Variants in FAS observed in about 807,000 individuals in gnomAD.
The protein encoded by FAS is Fas cell surface death receptor, also known as tumor necrosis factor receptor superfamily member 6.
FAS carries 5 observed loss-of-function variants against 33.2 expected under a neutral mutation model. The ratio of observed to expected loss-of-function variants is 0.15; its 90% CI spans 0.08 to 0.32. The LOEUF (loss-of-function observed/expected upper bound fraction) is 0.32, where lower values mean the gene tolerates loss of function less well. Ranked by LOEUF, FAS falls within the 10% of genes least tolerant of loss-of-function variation. The pLI is 1.00. For missense variants in FAS, 339 were observed against 386.0 expected (o/e 0.88, Z 1.02); for synonymous variants, 131 against 130.7 (o/e 1.00, Z -0.01).
At chr10:88,994,379 T>C (rs1847455377) in intron 1 of FAS, among the ~76,000 whole-genome samples, 1 of 152,210 alleles carries the variant, frequency 6.6e-6, no homozygotes, top group Non-Finnish European at 1.5e-5. Flanking sequence ...TGAGCACATG[T>C]TTTGTAATAG....
intron 2 of FAS, among the ~76,000 whole-genome samples, chr10:88,976,899 T>G (rs1159686617): frequency 6.6e-6 from 1 of 152,226 alleles, no homozygotes; most frequent in Non-Finnish European, 1.5e-5. Context: ...ATGCTGATGT[T>G]TGTAGAGAAG....
rs776167705 is a variant in FAS at position 88,973,296 on chromosome 10, C to G, written n.209C>G. On this transcript the variant is annotated non_coding_transcript_exon_variant, in exon 2 of 4. Coordinates refer to the FAS transcript ENST00000688239. Reference sequence around the variant, plus strand: ...CTTGGGGATCTCTAGGTCATCATCACCATCTGAACAGCTCTGAGAGAGACA... The same window carrying G: ...CTTGGGGATCTCTAGGTCATCATCAGCATCTGAACAGCTCTGAGAGAGACA... 7 of 1,611,264 alleles carry G rather than the reference C, an allele frequency of 4.3e-6. No homozygotes were observed. The Admixed American group carries it at 1.2e-4, about 27-fold the overall frequency.
chr10:89,007,045 G>C (rs1848267304), intron 2 of FAS, among the ~76,000 whole-genome samples: 1 of 152,248 alleles, frequency 6.6e-6, no homozygotes, highest in South Asian at 2.1e-4. Context: ...AGAAAGGGGA[G>C]AACAAAGAGA....
upstream of FAS, among the ~76,000 whole-genome samples, chr10:88,986,319 C>G (rs964226052): frequency 6.6e-6 from 1 of 152,126 alleles, no homozygotes; most frequent in Admixed American, 6.5e-5. Flanking sequence ...TTTCAGGGGA[C>G]CACCATATGC....
Position 89,014,920 on chromosome 10 carries a change from A to G in FAS, c.*470A>G, listed in dbSNP as rs1296349047. ...CTCTGATAATTCTAGAGATTTTACC[A>G]TATTTCTAAACTTTGTTTATAACTC... is the stretch of plus-strand genomic sequence containing the variant. On this transcript the variant is annotated 3_prime_UTR_variant, in exon 9 of 9. Coordinates refer to ENST00000652046, the MANE Select transcript of FAS (RefSeq NM_000043.6). The G allele has an allele frequency of 7.5e-6, 4 of 535,000 alleles. No individual in the cohort carries two copies. Among genetic ancestry groups the G allele is most frequent in the Admixed American group, 2.2e-5 (1 of 45,046 alleles). 33.1% of individuals were successfully genotyped at this position (535,000 alleles called of 1,614,324 possible). A position where few individuals can be genotyped will look rare whatever the true frequency, so the allele number is the denominator to read the frequency against.
At chr10:88,984,979 G>A (rs113872941), upstream of FAS, among the ~76,000 whole-genome samples, 35 of 152,322 alleles carry the variant, frequency 2.3e-4, no homozygotes, top group African/African-American at 7.9e-4. Context: ...AGCAGTATAG[G>A]TAAATAAAAT....
intron 7 of FAS, among the ~76,000 whole-genome samples, chr10:89,013,059 T>A (rs777021749): frequency 3.9e-5 from 6 of 152,270 alleles, no homozygotes; most frequent in Admixed American, 6.5e-5. Context: ...TTAATAAGTC[T>A]ATATGAAAAA....
At chr10:88,981,798 G>C (rs1846720124), upstream of FAS, among the ~76,000 whole-genome samples, 1 of 152,174 alleles carries the variant, frequency 6.6e-6, no homozygotes, top group African/African-American at 2.4e-5. Context: ...AAAGGTTTCA[G>C]ATGGGCTTTC....
chr10:88,982,390 T>G (rs1846731525), upstream of FAS, among the ~76,000 whole-genome samples: 1 of 152,218 alleles, frequency 6.6e-6, no homozygotes, highest in Admixed American at 6.5e-5. Context: ...AATGGATTAT[T>G]TGGTAAGAGA....
At chr10:89,013,523 C>T (rs920570979) in intron 8 of FAS, among the ~76,000 whole-genome samples, 156 bp downstream of exon 8, 2 of 152,096 alleles carry the variant, frequency 1.3e-5, no homozygotes, top group Non-Finnish European at 2.9e-5. Flanking sequence ...ATTTATCAGG[C>T]AGTTTGTTTA....
At chr10:88,975,078 G>A (rs1009025210) in intron 2 of FAS, 1 of 151,722 alleles carries the variant, frequency 6.6e-6, no homozygotes, top group African/African-American at 2.4e-5. Context: ...GCATTTAACT[G>A]TTATTACAGG....
chr10:89,003,344 A>G lies in FAS; in HGVS notation c.196+150A>G, dbSNP rs577421956. 14 of 890,838 alleles carry G rather than the reference A, an allele frequency of 1.6e-5. No homozygotes were observed. The Admixed American group carries it at 3.3e-4, about 21-fold the overall frequency. The allele number at this position is 890,838 out of a possible 1,614,324, so 55.2% of individuals were successfully genotyped here. A position where few individuals can be genotyped will look rare whatever the true frequency, so the allele number is the denominator to read the frequency against. On this transcript the variant is annotated intron_variant, in intron 2 of 8. Transcript: ENST00000652046. The stretch of plus-strand genomic sequence containing the variant: ...AAAACAACTATGAAATTATTTTCCA[A>G]AGATGAGTTTTATTTATATTTATCA...
chr10:88,999,142 G>C (rs182013098), intron 1 of FAS, among the ~76,000 whole-genome samples: 3 of 145,224 alleles, frequency 2.1e-5, no homozygotes, highest in Admixed American at 1.4e-4. Flanking sequence ...AACAGAGCGA[G>C]ACTCCGTCTC....
intron 1 of FAS, among the ~76,000 whole-genome samples, chr10:88,997,789 A>G (rs1353764166): frequency 6.6e-6 from 1 of 152,214 alleles, no homozygotes; most frequent in Non-Finnish European, 1.5e-5. Flanking sequence ...GCAGACAAGC[A>G]GAATTAGTCG....
chr10:89,008,662 G>A (rs771992276), intron 3 of FAS, among the ~76,000 whole-genome samples: 25 of 152,190 alleles, frequency 1.6e-4, no homozygotes, highest in Non-Finnish European at 3.4e-4. Flanking sequence ...CAGGGGAGAC[G>A]TCTAAGTATT....
At chr10:88,996,461 A>AG (rs1343835007) in intron 1 of FAS, among the ~76,000 whole-genome samples, 1 of 152,120 alleles carries the variant, frequency 6.6e-6, no homozygotes, top group African/African-American at 2.4e-5. Flanking sequence ...TGGGGGATTT[A>AG]GGGAGATATT....
At chr10:88,995,107 T>A (rs1847509737) in intron 1 of FAS, among the ~76,000 whole-genome samples, 1 of 150,378 alleles carries the variant, frequency 6.6e-6, no homozygotes, top group African/African-American at 2.5e-5. Flanking sequence ...TATATATTCA[T>A]AAAAGTGGAA....
At chr10:88,998,961 T>C (rs1847764642) in intron 1 of FAS, among the ~76,000 whole-genome samples, 1 of 151,962 alleles carries the variant, frequency 6.6e-6, no homozygotes, top group Non-Finnish European at 1.5e-5. Flanking sequence ...TGAGACCATC[T>C]GGCCAACATG....
intron 4 of FAS, among the ~76,000 whole-genome samples, chr10:89,009,327 C>T (rs1331692646): frequency 6.6e-6 from 1 of 152,166 alleles, no homozygotes; most frequent in African/African-American, 2.4e-5. Context: ...CCAGGTGTTA[C>T]AAATTATACA....
Sources: allele counts gnomAD v4.1 joint callset (sites outside exome capture counted in the v4.1 genomes callset), GRCh38; gene constraint gnomAD v4.1.1; transcripts MANE v1.5; gene names NCBI Gene and HGNC (gene_info 2026-07-23, HGNC 2026-07-21).